The following MTREX variants were observed in gnomAD, a reference collection of about 807,000 sequenced individuals.
MTREX encodes the protein Mtr4 exosome RNA helicase, also known as exosome RNA helicase MTR4.
A neutral mutation model predicts 135.4 loss-of-function variants in MTREX; 76 were observed. The ratio of observed to expected loss-of-function variants is 0.56; its 90% CI spans 0.47 to 0.68. MTREX has a LOEUF of 0.68. Among genes scored for constraint, MTREX ranks in the 30% least tolerant of loss-of-function variants. The probability of loss-of-function intolerance (pLI) is 0.00; values close to 1 mark genes in which losing one functional copy is unlikely to be tolerated. For synonymous variants in MTREX, 404 were observed against 401.6 expected, an observed-to-expected ratio of 1.01 and a Z score of -0.07; for missense variants, 920 against 1,262.1, an observed-to-expected ratio of 0.73 and a Z score of 4.11.
chr5:55,328,868 C>A, intron 5 of MTREX, 57 bp downstream of exon 5: 2 of 1,152,922 alleles, frequency 1.7e-6, no homozygotes, highest in South Asian at 2.8e-5. Flanking sequence ...TTAAAAGTTT[C>A]TTTTTTGCTG....
intron 13 of MTREX, 44 bp downstream of exon 13, chr5:55,351,073 A>T (rs764820489): frequency 6.6e-7 from 1 of 1,522,534 alleles, no homozygotes; most frequent in Non-Finnish European, 8.8e-7. Context: ...ATCATGTTGT[A>T]TGAAGAGTTT....
At chr5:55,359,275 G>C (rs1421175898) in intron 15 of MTREX, among the ~76,000 whole-genome samples, 2 of 152,200 alleles carry the variant, frequency 1.3e-5, no homozygotes, top group Admixed American at 6.5e-5. Flanking sequence ...TCTCAAGGAA[G>C]ATTGGCCTGG....
At chr5:55,419,309 A>G (rs1561214524) in intron 25 of MTREX, among the ~76,000 whole-genome samples, 2 of 152,242 alleles carry the variant, frequency 1.3e-5, no homozygotes, top group Non-Finnish European at 2.9e-5. Context: ...TTCATATGAA[A>G]ATAAAAGTGT....
intron 16 of MTREX, among the ~76,000 whole-genome samples, chr5:55,378,069 A>G (rs1021959788): frequency 1.3e-5 from 2 of 152,182 alleles, no homozygotes; most frequent in African/African-American, 4.8e-5. Context: ...AATAGATTGT[A>G]ACCAACCACA....
chr5:55,328,822 T>A lies in MTREX; in HGVS notation c.515+11T>A, dbSNP rs1481293008. 6.6e-7 allele frequency: 1 copy of A among 1,526,288 alleles called. No individual in the cohort carries two copies. The highest frequency in any genetic ancestry group is 1.4e-5 in the African/African-American group (1 of 72,816). 94.5% of individuals were successfully genotyped at this position (1,526,288 alleles called of 1,614,324 possible). Reference sequence around the variant, plus strand: ...AACAGTATGCGCCGAGTGAGTAGCTTCCTTTTTAAAGTCACTTTGTTTCTT... The same window carrying A: ...AACAGTATGCGCCGAGTGAGTAGCTACCTTTTTAAAGTCACTTTGTTTCTT... On this transcript the variant is annotated intron_variant, in intron 5 of 26. Coordinates refer to ENST00000230640, the MANE Select transcript of MTREX (RefSeq NM_015360.5).
intron 24 of MTREX, among the ~76,000 whole-genome samples, chr5:55,414,709 G>A (rs1413550978): frequency 6.6e-6 from 1 of 152,134 alleles, no homozygotes; most frequent in African/African-American, 2.4e-5. Context: ...GAGTGCAGTG[G>A]CGTGATCTGG....
rs186080238 is a variant in MTREX, at chr5:55,401,360, G to A, written c.2481+939G>A. ...TGGCTAAATTATATTTTGTTATGTG[G>A]ATATGCCATATTTTGTTTACCCATT... On this transcript the variant is annotated intron_variant, in intron 21 of 26. Transcript: ENST00000230640. Among the ~76,000 whole-genome samples, 449 of 152,268 alleles carry A rather than the reference G, an allele frequency of 2.9e-3. 1 individual carries two copies. Among genetic ancestry groups the A allele is most frequent in the Middle Eastern group, 6.8e-3 (2 of 294 alleles).
At chr5:55,406,072 G>A (rs1401372960) in intron 22 of MTREX, among the ~76,000 whole-genome samples, 1 of 152,056 alleles carries the variant, frequency 6.6e-6, no homozygotes, top group Non-Finnish European at 1.5e-5. Flanking sequence ...GAGATTTTGG[G>A]CTAATAATAG....
chr5:55,350,086 A>G (rs1207541666), intron 12 of MTREX, among the ~76,000 whole-genome samples: 1 of 152,240 alleles, frequency 6.6e-6, no homozygotes, highest in Non-Finnish European at 1.5e-5. Context: ...ATTCCAAAAT[A>G]TGCTGATGCT....
intron 16 of MTREX, among the ~76,000 whole-genome samples, chr5:55,376,791 C>T (rs996609377): frequency 3.3e-5 from 5 of 152,088 alleles, no homozygotes; most frequent in Non-Finnish European, 5.9e-5. Flanking sequence ...TTTTATAGGT[C>T]GGGTGTGGTG....
intron 25 of MTREX, among the ~76,000 whole-genome samples, chr5:55,418,559 T>C (rs1389336114): frequency 6.6e-6 from 1 of 151,244 alleles, no homozygotes; most frequent in Admixed American, 6.6e-5. Context: ...AAATTTCAGT[T>C]TGAAAATTTG....
In MTREX at chr5:55,416,105, A is replaced by G. The variant is rs560365811; in HGVS notation, c.2944A>G (p.Ile982Val). ...GGCAACTGGAGCTACATTTGCCCAT[A>G]TCTGCAAAATGACAGATGTCTTTGA... Reference protein sequence around the residue: ...TWATGATFAHICKMTDVFEGS... With the variant: ...TWATGATFAHVCKMTDVFEGS... The change falls in exon 25 of 27, where the codon ATC (isoleucine) becomes GTC (valine). Residue 982 changes from isoleucine (I) to valine (V), a missense_variant. Around this residue, in one of 6 missense-constraint regions of MTREX, gnomAD observed 467 missense variants for 589.7 expected, o/e 0.79. Coordinates refer to ENST00000230640, the MANE Select transcript of MTREX (RefSeq NM_015360.5). The G allele has an allele frequency of 3.0e-5, 48 of 1,587,620 alleles. 1 individual carries two copies. The South Asian group carries it at 5.2e-4, about 17-fold the overall frequency.
chr5:55,350,866 T>A (rs1416368188), intron 12 of MTREX, 53 bp from the exon 13 acceptor site: 2 of 1,379,514 alleles, frequency 1.4e-6, no homozygotes, highest in African/African-American at 1.5e-5. Flanking sequence ...TTTAACATTT[T>A]AAAAATCCTT....
At chr5:55,351,766 A>G (rs1257111501) in intron 13 of MTREX, among the ~76,000 whole-genome samples, 1 of 152,038 alleles carries the variant, frequency 6.6e-6, no homozygotes, top group Non-Finnish European at 1.5e-5. Flanking sequence ...TGATATTGAT[A>G]TTTATACCAA....
chr5:55,322,254 C>A, intron 1 of MTREX, 73 bp from the exon 2 acceptor site: 1 of 1,281,444 alleles, frequency 7.8e-7, no homozygotes, highest in Non-Finnish European at 1.1e-6. Flanking sequence ...TGGTATAGAG[C>A]AGTATTTTAT....
chr5:55,395,270 G>A (rs1750629330), intron 19 of MTREX, among the ~76,000 whole-genome samples: 3 of 151,980 alleles, frequency 2.0e-5, no homozygotes, highest in Non-Finnish European at 4.4e-5. Flanking sequence ...GTTGGGCATG[G>A]TGGCACACGC....
At chr5:55,399,632 C>T (rs568789813) in intron 20 of MTREX, among the ~76,000 whole-genome samples, 5 of 152,174 alleles carry the variant, frequency 3.3e-5, no homozygotes, top group Admixed American at 6.5e-5. Context: ...GGACTACAGG[C>T]GCCCACCACC....
intron 1 of MTREX, among the ~76,000 whole-genome samples, chr5:55,314,383 G>T (rs1047800843): frequency 6.6e-6 from 1 of 152,240 alleles, no homozygotes; most frequent in African/African-American, 2.4e-5. Context: ...AGTTGACCTT[G>T]AGGTGGAGAG....
rs1561216391 is a variant in MTREX, at chr5:55,424,703, ACTTT to A, written c.3077-12_3077-9del. On this transcript the variant is annotated splice_polypyrimidine_tract_variant and intron_variant, in intron 26 of 26. Coordinates refer to ENST00000230640, the MANE Select transcript of MTREX (RefSeq NM_015360.5). The stretch of plus-strand genomic sequence containing the variant: ...TTGTGGTCTTGAAAGTTTAAACCTT[ACTTT>A]CTTTTCTCTTAGGAATCACCAAAAT... 1.1e-5 allele frequency: 17 copies of A among 1,599,480 alleles called. No individual in the cohort carries two copies. Among genetic ancestry groups the A allele is most frequent in the Non-Finnish European group, 1.4e-5 (16 of 1,167,078 alleles).
Sources: allele counts gnomAD v4.1 joint callset (sites outside exome capture counted in the v4.1 genomes callset), GRCh38; gene constraint gnomAD v4.1.1; regional missense constraint gnomAD v4.1.1; transcripts MANE v1.5; gene names NCBI Gene and HGNC (gene_info 2026-07-23, HGNC 2026-07-21).